CHL1: variants seen among roughly 807,000 people sequenced by gnomAD.
CHL1 encodes neural cell adhesion molecule L1-like protein.
Under a neutral mutation model 141.9 loss-of-function variants are expected in CHL1, and 96 were observed. That is an observed-to-expected ratio of 0.68 (90% confidence interval 0.57 to 0.80). The LOEUF is 0.80. Among genes scored for constraint, CHL1 ranks in the 30% least tolerant of loss-of-function variants. CHL1 has a pLI of 0.00. For missense variants in CHL1, 1,820 were observed against 1,457.2 expected (o/e 1.25, Z -4.05); for synonymous variants, 613 against 502.2 (o/e 1.22, Z -2.95).
intron 2 of CHL1, among the ~76,000 whole-genome samples, chr3:257,289 G>A (rs1694257907): frequency 6.6e-6 from 1 of 151,106 alleles, no homozygotes. Context: ...TCAAAGGCTG[G>A]TTTTGTGCTA....
At chr3:314,327 GTGTATATATATA>G (rs1323448389) in intron 2 of CHL1, among the ~76,000 whole-genome samples, 3 of 57,030 alleles carry the variant, frequency 5.3e-5, no homozygotes, top group African/African-American at 1.6e-4. Context: ...CTCTCTCTAT[GTGTATATATATA>G]TATATATATA....
intron 10 of CHL1, among the ~76,000 whole-genome samples, chr3:353,298 T>C (rs529692048): frequency 6.6e-6 from 1 of 152,246 alleles, no homozygotes; most frequent in Non-Finnish European, 1.5e-5. Context: ...GTTCATGGAA[T>C]ATTTTTCTCT....
chr3:267,874 G>A (rs535685508), intron 2 of CHL1, among the ~76,000 whole-genome samples: 1 of 152,280 alleles, frequency 6.6e-6, no homozygotes, highest in East Asian at 1.9e-4. Context: ...TCTTGAAGGA[G>A]AAAATGTAAC....
chr3:383,536 A>C (rs1375465276), intron 18 of CHL1, among the ~76,000 whole-genome samples: 1 of 152,188 alleles, frequency 6.6e-6, no homozygotes, highest in African/African-American at 2.4e-5. Context: ...AGCAGTTTTA[A>C]AAATTTTAAA....
At chr3:206,198 T>C (rs2124860263) in intron 1 of CHL1, among the ~76,000 whole-genome samples, 1 of 152,324 alleles carries the variant, frequency 6.6e-6, no homozygotes, top group African/African-American at 2.4e-5. Context: ...CCAGAGGTGG[T>C]GGTGCAAGCC....
intron 27 of CHL1, 100 bp downstream of exon 27, chr3:401,798 C>A: frequency 1.5e-6 from 1 of 687,556 alleles, no homozygotes; most frequent in East Asian, 2.8e-5. Flanking sequence ...GGTTACATAA[C>A]TACAATGTAA....
intron 2 of CHL1, among the ~76,000 whole-genome samples, chr3:286,966 C>G (rs1011528650): frequency 1.3e-5 from 2 of 152,014 alleles, no homozygotes; most frequent in Non-Finnish European, 2.9e-5. Flanking sequence ...TGGGATTTGG[C>G]CAGCTTCTTC....
intron 15 of CHL1, among the ~76,000 whole-genome samples, chr3:367,930 T>C (rs1705115059): frequency 6.6e-6 from 1 of 152,214 alleles, no homozygotes; most frequent in Non-Finnish European, 1.5e-5. Flanking sequence ...CATGATCTCA[T>C]TCCTTTTTAT....
chr3:321,567 A>G (rs545942346), intron 3 of CHL1, among the ~76,000 whole-genome samples: 4 of 152,192 alleles, frequency 2.6e-5, no homozygotes, highest in African/African-American at 9.6e-5. Flanking sequence ...ACTGATTCAG[A>G]TTTTTGACCA....
At chr3:382,384 C>T in intron 17 of CHL1, 90 bp from the exon 18 acceptor site, 2 of 1,457,064 alleles carry the variant, frequency 1.4e-6, no homozygotes, top group East Asian at 2.3e-5. Flanking sequence ...TTATAACATC[C>T]TTTTGAACTT....
intron 2 of CHL1, among the ~76,000 whole-genome samples, chr3:280,173 T>G (rs1696509596): frequency 6.6e-6 from 1 of 152,030 alleles, no homozygotes; most frequent in Non-Finnish European, 1.5e-5. Context: ...AATTTAAAAC[T>G]GAAATTCATA....
At chr3:313,154 G>A (rs1699890194) in intron 2 of CHL1, among the ~76,000 whole-genome samples, 1 of 152,088 alleles carries the variant, frequency 6.6e-6, no homozygotes, top group African/African-American at 2.4e-5. Context: ...TCTGCTTTGT[G>A]TAGTTGCTGC....
intron 2 of CHL1, among the ~76,000 whole-genome samples, chr3:258,490 C>A (rs1038937053): frequency 2.0e-5 from 3 of 152,206 alleles, no homozygotes; most frequent in Non-Finnish European, 4.4e-5. Context: ...TTCCCCAGTT[C>A]TCCCCTGTGG....
Position 349,369 on chromosome 3 carries a change from C to T in CHL1, c.859C>T (p.Gln287Ter), listed in dbSNP as rs1703049639. Residue 287 changes from glutamine to a stop codon, truncating the protein, a stop_gained, in exon 10 of 28, where the codon CAG becomes TAG. Coordinates refer to ENST00000256509, the MANE Select transcript of CHL1 (RefSeq NM_006614.4). LOFTEE classifies it high-confidence loss of function. ...ECFAEGLPTP[Q>*]VDWNKIGGDL... ...AACTATTTTTTGCAGGCCAACTCCA[C>T]AGGTTGATTGGAACAAAATTGGTGG... 6.2e-7 allele frequency: 1 copy of T among 1,612,432 alleles called. No individual in the cohort carries two copies. The highest frequency in any genetic ancestry group is 8.5e-7 in the Non-Finnish European group (1 of 1,179,288).
chr3:361,618 T>G, intron 12 of CHL1, 81 bp from the exon 13 acceptor site: 1 of 875,030 alleles, frequency 1.1e-6, no homozygotes, highest in Non-Finnish European at 1.9e-6. Flanking sequence ...TGTATTCGTA[T>G]GACTAGGACA....
chr3:313,844 A>C (rs1699943732), intron 2 of CHL1, among the ~76,000 whole-genome samples: 1 of 152,194 alleles, frequency 6.6e-6, no homozygotes, highest in African/African-American at 2.4e-5. Context: ...CATCATGTAT[A>C]CTAACAGCTA....
chr3:391,620 C>A, intron 22 of CHL1, 55 bp from the exon 23 acceptor site: 2 of 1,326,742 alleles, frequency 1.5e-6, no homozygotes. Context: ...TATAATAAGG[C>A]TTTTTTGAAT....
intron 2 of CHL1, among the ~76,000 whole-genome samples, chr3:279,532 TCTGGA>T (rs10563495): frequency 0.032 from 4,802 of 152,298 alleles, 239 homozygotes; most frequent in African/African-American, 0.11. Flanking sequence ...TCTTCCACAA[TCTGGA>T]CTGGTTGCTT....
chr3:360,559 A>G, intron 12 of CHL1, 135 bp downstream of exon 12: 1 of 848,334 alleles, frequency 1.2e-6, no homozygotes, highest in South Asian at 2.0e-5. Flanking sequence ...CATACATTTG[A>G]GTTTTAGACT....
Sources: gnomAD v4.1 joint callset for allele counts (sites outside exome capture counted in the v4.1 genomes callset) on GRCh38, gnomAD v4.1.1 for gene constraint, MANE v1.5 for transcripts, NCBI Gene and HGNC (gene_info 2026-07-23, HGNC 2026-07-21) for gene names.